The following UTRN variants were observed in gnomAD, a reference collection of about 807,000 sequenced individuals.
UTRN encodes dystrophin-related protein 1.
In UTRN, 283 loss-of-function variants were observed where a neutral mutation model predicts 463.9. That is an observed-to-expected ratio of 0.61 (90% CI 0.55 to 0.67). The LOEUF is 0.67. Ranked by LOEUF, UTRN falls within the 30% of genes least tolerant of loss-of-function variation. UTRN has a pLI of 0.00. For missense variants in UTRN, 3,922 were observed against 4,084.3 expected, an observed-to-expected ratio of 0.96 and a Z score of 1.08; for synonymous variants, 1,442 against 1,431.5, an observed-to-expected ratio of 1.01 and a Z score of -0.17.
At chr6:144,800,209 C>T (rs999869433) in intron 64 of UTRN, among the ~76,000 whole-genome samples, 8 of 152,058 alleles carry the variant, frequency 5.3e-5, no homozygotes, top group African/African-American at 1.9e-4. Flanking sequence ...ATTTGAATGA[C>T]CTTTAAAGTT....
chr6:144,525,839 A>G (rs985438300), intron 41 of UTRN, among the ~76,000 whole-genome samples: 2 of 151,980 alleles, frequency 1.3e-5, no homozygotes, highest in African/African-American at 4.8e-5. Flanking sequence ...CATTCCTCTT[A>G]GTACCGCTTT....
chr6:144,681,320 C>G (rs1024005051), intron 52 of UTRN, among the ~76,000 whole-genome samples: 19 of 151,998 alleles, frequency 1.3e-4, no homozygotes, highest in Non-Finnish European at 2.6e-4. Context: ...TAGAAGAGGG[C>G]AAAGAAGTCC....
chr6:144,361,955 T>G (rs2114688041), intron 2 of UTRN, among the ~76,000 whole-genome samples: 1 of 152,210 alleles, frequency 6.6e-6, no homozygotes, highest in South Asian at 2.1e-4. Flanking sequence ...CTGGAATTTT[T>G]TTTTCCTTTT....
chr6:144,416,145 T>C (rs947754563), intron 3 of UTRN, among the ~76,000 whole-genome samples: 18 of 152,072 alleles, frequency 1.2e-4, no homozygotes, highest in African/African-American at 4.3e-4. Context: ...CTTTGATTAA[T>C]CCTATATTTC....
chr6:144,504,763 G>T (rs1209199270), intron 34 of UTRN, among the ~76,000 whole-genome samples: 1 of 152,152 alleles, frequency 6.6e-6, no homozygotes, highest in East Asian at 1.9e-4. Context: ...TCAGGATGAT[G>T]CTGGCCTCAT....
intron 2 of UTRN, among the ~76,000 whole-genome samples, chr6:144,380,800 AG>A (rs1780842052): frequency 6.6e-6 from 1 of 151,976 alleles, no homozygotes; most frequent in African/African-American, 2.4e-5. Context: ...GCCTCAAAAA[AG>A]AAAAAAAAAC....
At chr6:144,585,613 T>G (rs1429336724) in intron 51 of UTRN, among the ~76,000 whole-genome samples, 7 of 152,180 alleles carry the variant, frequency 4.6e-5, no homozygotes, top group African/African-American at 1.7e-4. Flanking sequence ...TAGACTTAAA[T>G]ATTAACAGTT....
intron 28 of UTRN, among the ~76,000 whole-genome samples, chr6:144,486,794 A>G (rs529405338): frequency 6.6e-6 from 1 of 152,266 alleles, no homozygotes; most frequent in Admixed American, 6.5e-5. Context: ...TGCTAGGATT[A>G]GAGGTGTGAG....
rs1382181879 is a variant in UTRN, at chr6:144,432,547, G to A, written c.855+2806G>A. On this transcript the variant is annotated intron_variant, in intron 9 of 74. Transcript: ENST00000367545. ...GCTGCTGTGTGAGAAATGGACTGTG[G>A]ATTGTGAAGGTGAGAGTGTTGGGTG... 2.6e-5 allele frequency among the ~76,000 whole-genome samples: 4 copies of A among 152,312 alleles called. No homozygotes were observed. The East Asian group carries it at 7.7e-4, about 29-fold the overall frequency.
rs138070390 is a variant in UTRN, at chr6:144,588,915, C to T, written c.7479+11627C>T. Reference sequence around the variant, plus strand: ...TTCACAAAGCTTATTCATTTCTGGGCGAGGTAAATGAGTCCAAATAATTGA... The same window carrying T: ...TTCACAAAGCTTATTCATTTCTGGGTGAGGTAAATGAGTCCAAATAATTGA... On this transcript the variant is annotated intron_variant, in intron 51 of 74. Transcript: ENST00000367545. Among the ~76,000 whole-genome samples, 702 of 152,146 alleles carry T rather than the reference C, an allele frequency of 4.6e-3. 6 individuals are homozygous for T. Among genetic ancestry groups the T allele is most frequent in the Non-Finnish European group, 6.2e-3 (423 of 67,990 alleles).
At position 144,436,814 on chromosome 6, in the gene UTRN, A is replaced by C. The variant is rs1239126340; in HGVS notation, c.1059+676A>C. 2.1e-5 allele frequency among the ~76,000 whole-genome samples: 3 copies of C among 142,894 alleles called. No individual in the cohort carries two copies. The Admixed American group carries it at 2.1e-4, about 10-fold the overall frequency. The allele number at this position is 142,894 out of a possible 152,430, so 93.7% of individuals were successfully genotyped here. On this transcript the variant is annotated intron_variant, in intron 10 of 74. Coordinates refer to ENST00000367545, the MANE Select transcript of UTRN (RefSeq NM_007124.3). ...TATTTATATATAAATATATATAAAT[A>C]AAAATAAATATATATTTTATTTTAT...
intron 22 of UTRN, among the ~76,000 whole-genome samples, chr6:144,461,642 G>A (rs1473734843): frequency 2.0e-5 from 3 of 152,144 alleles, no homozygotes; most frequent in East Asian, 1.9e-4. Context: ...ATCAGTTGAC[G>A]TGTTGATGTA....
chr6:144,516,078 C>T, intron 37 of UTRN, 151 bp from the exon 38 acceptor site: 1 of 739,362 alleles, frequency 1.4e-6, no homozygotes, highest in Non-Finnish European at 2.2e-6. Flanking sequence ...AAAATCATTG[C>T]CATATAAATG....
intron 2 of UTRN, among the ~76,000 whole-genome samples, chr6:144,325,047 A>G (rs1387829901): frequency 1.3e-5 from 2 of 152,164 alleles, no homozygotes; most frequent in East Asian, 3.8e-4. Flanking sequence ...TTTTTTCTGG[A>G]AAAACTGAAT....
chr6:144,287,073 T>C, intron 1 of UTRN, among the ~76,000 whole-genome samples: 1 of 152,106 alleles, frequency 6.6e-6, no homozygotes, highest in Non-Finnish European at 1.5e-5. Context: ...CTTTGTAAGT[T>C]GCACCGGCCT....
chr6:144,524,536 T>C (rs1796394780), intron 41 of UTRN, among the ~76,000 whole-genome samples: 1 of 152,160 alleles, frequency 6.6e-6, no homozygotes, highest in Non-Finnish European at 1.5e-5. Flanking sequence ...TGTACGTCAA[T>C]TTTGTATCCT....
chr6:144,678,923 A>C lies in UTRN; in HGVS notation c.7652+345A>C, dbSNP rs180887948. Among the ~76,000 whole-genome samples the C allele has an allele frequency of 1.3e-4, 20 of 152,292 alleles. 1 individual carries two copies. In the East Asian group the frequency reaches 3.9e-3, roughly 29 times the overall value. ...CAAATGTTACTTTATTTCGTAATCA[A>C]AAAATCCTAGTAAGGTGGGTGGTAA... On this transcript the variant is annotated intron_variant, in intron 52 of 74. Coordinates refer to ENST00000367545, the MANE Select transcript of UTRN (RefSeq NM_007124.3).
intron 61 of UTRN, among the ~76,000 whole-genome samples, chr6:144,786,032 A>G (rs1039373893): frequency 3.9e-5 from 6 of 152,178 alleles, no homozygotes; most frequent in African/African-American, 1.4e-4. Context: ...AGATGGTATA[A>G]TTTTATAAAG....
chr6:144,384,117 C>T (rs1411848609), intron 2 of UTRN, among the ~76,000 whole-genome samples: 2 of 152,050 alleles, frequency 1.3e-5, no homozygotes, highest in Non-Finnish European at 2.9e-5. Flanking sequence ...AATGTACATA[C>T]ATCTTGTTAT....
Sources: allele counts gnomAD v4.1 joint callset (sites outside exome capture counted in the v4.1 genomes callset), GRCh38; gene constraint gnomAD v4.1.1; transcripts MANE v1.5; gene names NCBI Gene and HGNC (gene_info 2026-07-23, HGNC 2026-07-21).